Variants in HFM1 observed in about 807,000 individuals in gnomAD.
HFM1 encodes the protein probable ATP-dependent DNA helicase HFM1.
A neutral mutation model predicts 192.1 loss-of-function variants in HFM1; 169 were observed. The observed-to-expected ratio is 0.88, with a 90% CI of 0.78 to 1.00. The LOEUF is 1.00. Ranked by LOEUF, HFM1 falls within the 50% of genes least tolerant of loss-of-function variation. The pLI is 0.00. For missense variants in HFM1, 1,661 were observed against 1,668.0 expected (o/e 1.00, Z 0.07); for synonymous variants, 525 against 537.8 (o/e 0.98, Z 0.33).
At chr1:91,407,983 C>T (rs1467315914), upstream of HFM1, among the ~76,000 whole-genome samples, 2 of 152,092 alleles carry the variant, frequency 1.3e-5, no homozygotes, top group Non-Finnish European at 2.9e-5. Flanking sequence ...ATTTTAAAAA[C>T]TAACCAGGTG....
intron 20 of HFM1, chr1:91,329,448 C>T: frequency 6.4e-7 from 1 of 1,569,384 alleles, no homozygotes; most frequent in Admixed American, 1.8e-5. Flanking sequence ...GTGCAAGGAG[C>T]CAGAATCAAA....
chr1:91,273,734 T>C lies in HFM1; in HGVS notation c.3750A>G (p.Glu1250=). Reference sequence around the variant, plus strand: ...TACCTTTGTCTTGATATTCAGATGGTTCTTGTCTAACTTTTCCATAGATTT... The same window carrying C: ...TACCTTTGTCTTGATATTCAGATGGCTCTTGTCTAACTTTTCCATAGATTT... ...QPEIYGKVRQ[E]PSEYQDKEVL... Residue 1250 remains glutamate, a synonymous_variant, in exon 34 of 39, where the codon GAA becomes GAG. Transcript: ENST00000370425. 1 of 1,582,698 alleles carries C rather than the reference T, an allele frequency of 6.3e-7. No individual in the cohort carries two copies. The highest frequency in any genetic ancestry group is 8.7e-7 in the Non-Finnish European group (1 of 1,152,894).
At position 91,273,842 on chromosome 1, in the gene HFM1, G is replaced by A. The variant is rs1484624198; in HGVS notation, c.3669-27C>T. 6 of 1,223,484 alleles carry A rather than the reference G, an allele frequency of 4.9e-6. No individual in the cohort carries two copies. The Admixed American group carries it at 1.2e-4, about 25-fold the overall frequency. 75.8% of individuals were successfully genotyped at this position (1,223,484 alleles called of 1,614,324 possible). On this transcript the variant is annotated intron_variant, in intron 33 of 38. Transcript: ENST00000370425. ...TTTATAAAGATAAAACCATGAAAAT[G>A]TTAAAGAAAATATGGAAATTAATCT... is the stretch of plus-strand genomic sequence containing the variant.
At chr1:91,359,957 G>A (rs928068022) in intron 13 of HFM1, among the ~76,000 whole-genome samples, 2 of 152,158 alleles carry the variant, frequency 1.3e-5, no homozygotes, top group African/African-American at 4.8e-5. Context: ...GAGACTGGGA[G>A]CCAATATTCA....
intron 1 of HFM1, among the ~76,000 whole-genome samples, chr1:91,403,489 C>CAGGTCCTAAAAGGGACCTTGCT (rs1217808841): frequency 4.6e-5 from 7 of 152,078 alleles, no homozygotes; most frequent in Non-Finnish European, 8.8e-5. Flanking sequence ...AAAAGAAACA[C>CAGGTCCTAAAAGGGACCTTGCT]AGGTCCTAAA....
At chr1:91,337,787 G>A (rs1017129456) in intron 20 of HFM1, among the ~76,000 whole-genome samples, 2 of 152,160 alleles carry the variant, frequency 1.3e-5, no homozygotes, top group Admixed American at 1.3e-4. Flanking sequence ...TGTGTGCAAA[G>A]GAAGAGAACC....
chr1:91,296,278 T>C (rs1005346929), intron 30 of HFM1, among the ~76,000 whole-genome samples: 5 of 152,180 alleles, frequency 3.3e-5, no homozygotes, highest in Non-Finnish European at 7.3e-5. Context: ...ATTGAAAGAC[T>C]GTCCGTTTTC....
intron 32 of HFM1, among the ~76,000 whole-genome samples, chr1:91,276,063 T>G (rs1666769099): frequency 6.6e-6 from 1 of 152,140 alleles, no homozygotes; most frequent in Non-Finnish European, 1.5e-5. Flanking sequence ...TCTTTAAAGA[T>G]CCCTCTCTCT....
chr1:91,264,371 T>TTATTTTTTTTTTTTTTTTA (rs2100676446), intron 36 of HFM1, among the ~76,000 whole-genome samples: 2 of 92,322 alleles, frequency 2.2e-5, no homozygotes, highest in African/African-American at 9.3e-5. Context: ...ATTTTTTTTT[T>TTATTTTTTTTTTTTTTTTA]TTTTTTTTTT....
intron 2 of HFM1, among the ~76,000 whole-genome samples, chr1:91,398,498 C>T (rs981107409): frequency 6.6e-6 from 1 of 152,164 alleles, no homozygotes; most frequent in African/African-American, 2.4e-5. Context: ...CAAGTTCCTA[C>T]CACATTCATT....
chr1:91,320,000 C>A (rs1651846092), intron 23 of HFM1, among the ~76,000 whole-genome samples: 1 of 152,184 alleles, frequency 6.6e-6, no homozygotes, highest in East Asian at 1.9e-4. Flanking sequence ...AAAAAAGACA[C>A]TAGTGCCTAT....
intron 11 of HFM1, among the ~76,000 whole-genome samples, chr1:91,376,502 G>C (rs1557486224): frequency 2.0e-5 from 3 of 151,918 alleles, no homozygotes; most frequent in Admixed American, 2.0e-4. Context: ...CACACAAGTA[G>C]TGTTTATCAC....
intron 33 of HFM1, 107 bp downstream of exon 33, chr1:91,274,622 TG>T: frequency 1.8e-6 from 1 of 542,764 alleles, no homozygotes; most frequent in Non-Finnish European, 3.4e-6. Context: ...AAACGATAAC[TG>T]TGACTTGATG....
Position 91,385,836 on chromosome 1 carries a change from T to A in HFM1, c.495-2A>T. 6.3e-7 allele frequency: 1 copy of A among 1,583,704 alleles called. No homozygotes were observed. Among genetic ancestry groups the A allele is most frequent in the Admixed American group, 1.8e-5 (1 of 54,356 alleles). Reference sequence around the variant, plus strand: ...ATATTGTCAGATATTTTAAATAATCTGCAAACAAAAAAAAGACCCACATAT... The same window carrying A: ...ATATTGTCAGATATTTTAAATAATCAGCAAACAAAAAAAAGACCCACATAT... On this transcript the variant is annotated splice_acceptor_variant, in intron 4 of 38. Transcript: ENST00000370425. LOFTEE classifies it high-confidence loss of function.
At chr1:91,271,918 G>A (rs1349150142) in intron 34 of HFM1, among the ~76,000 whole-genome samples, 1 of 152,056 alleles carries the variant, frequency 6.6e-6, no homozygotes, top group South Asian at 2.1e-4. Flanking sequence ...TAATCTCTTG[G>A]AGTCTTGGCT....
intron 13 of HFM1, among the ~76,000 whole-genome samples, chr1:91,366,312 G>A (rs2101877601): frequency 6.6e-6 from 1 of 152,240 alleles, no homozygotes. Context: ...TGTGAATCAT[G>A]CTGCCATTGC....
At chr1:91,277,358 T>TA (rs1666926974) in intron 30 of HFM1, among the ~76,000 whole-genome samples, 1 of 151,186 alleles carries the variant, frequency 6.6e-6, no homozygotes, top group African/African-American at 2.4e-5. Context: ...TAGCTGGGAC[T>TA]ACAGGCACTT....
rs147781194 is a variant in HFM1 at position 91,385,589 on chromosome 1, G to A, written c.740C>T (p.Pro247Leu). The change falls in exon 5 of 39, where the codon CCT (proline) becomes CTT (leucine). Residue 247 changes from proline to leucine, a missense_variant. Pro to Leu is a moderately conservative substitution (Grantham distance 98). Transcript: ENST00000370425. ...KAPSFSVAFQ[P>L]HDIQEVTENG... ...CAAGAAATTACCTTGAATATCATGAGGTTGGAAAGCAACTGAAAAAGATGG... is the reference window on the plus strand; with the variant it reads ...CAAGAAATTACCTTGAATATCATGAAGTTGGAAAGCAACTGAAAAAGATGG... 22 of 1,611,550 alleles carry A rather than the reference G, an allele frequency of 1.4e-5. No individual in the cohort carries two copies. Among genetic ancestry groups the A allele is most frequent in the Non-Finnish European group, 1.9e-5 (22 of 1,178,258 alleles).
rs201393479 is a variant in HFM1 at position 91,262,488 on chromosome 1, G to A, written c.4079C>T (p.Ala1360Val). ...AGAAGTGCTTCTTCTTACAATAACTGCATTTCCGGCTTGTTGAGGTAATTT... is the reference window on the plus strand; with the variant it reads ...AGAAGTGCTTCTTCTTACAATAACTACATTTCCGGCTTGTTGAGGTAATTT... ...MTKLPQQAGN[A>V]VIVHFQERKP... The change falls in exon 37 of 39, where the codon GCA becomes GTA. Residue 1360 changes from alanine (A) to valine (V), a missense_variant. By Grantham distance (64) the Ala-to-Val change is moderately conservative (BLOSUM62 0). Coordinates refer to ENST00000370425, the MANE Select transcript of HFM1 (RefSeq NM_001017975.6). The A allele has an allele frequency of 1.9e-6, 3 of 1,591,552 alleles. No homozygotes were observed. Among genetic ancestry groups the A allele is most frequent in the South Asian group, 1.1e-5 (1 of 88,876 alleles).
Sources: allele counts gnomAD v4.1 joint callset (sites outside exome capture counted in the v4.1 genomes callset), GRCh38; gene constraint gnomAD v4.1.1; transcripts MANE v1.5; gene names NCBI Gene and HGNC (gene_info 2026-07-23, HGNC 2026-07-21).